The following TMEM63C variants were observed in gnomAD, a reference collection of about 807,000 sequenced individuals.
TMEM63C encodes the protein osmosensitive cation channel TMEM63C.
TMEM63C carries 32 observed loss-of-function variants against 99.2 expected under a neutral mutation model. The observed-to-expected ratio is 0.32, with a 90% CI of 0.24 to 0.43. The LOEUF is 0.43. Among genes scored for constraint, TMEM63C ranks in the 20% least tolerant of loss-of-function variants. The pLI is 1.00. For synonymous variants in TMEM63C, 376 were observed against 397.9 expected, an observed-to-expected ratio of 0.94 and a Z score of 0.66; for missense variants, 826 against 1,053.0, an observed-to-expected ratio of 0.78 and a Z score of 2.98.
chr14:77,199,903 A>C (rs945746868), intron 1 of TMEM63C, among the ~76,000 whole-genome samples: 1 of 152,200 alleles, frequency 6.6e-6, no homozygotes, highest in South Asian at 2.1e-4. Context: ...AGGAGGGGAA[A>C]CTAAAATGTA....
intron 18 of TMEM63C, among the ~76,000 whole-genome samples, chr14:77,247,403 G>T (rs535687664): frequency 1.3e-5 from 2 of 152,222 alleles, no homozygotes; most frequent in South Asian, 4.1e-4. Context: ...GTTTCACCAT[G>T]TTGGCCAGGC....
Position 77,231,805 on chromosome 14 carries a change from G to C in TMEM63C, c.493+75G>C, listed in dbSNP as rs1201578107. 4.7e-6 allele frequency: 7 copies of C among 1,501,114 alleles called. No individual in the cohort carries two copies. In the East Asian group the frequency reaches 1.7e-4, roughly 37 times the overall value. 93.0% of individuals were successfully genotyped at this position (1,501,114 alleles called of 1,614,324 possible). ...GCCAGGCAAGCCAGTCAGGGCTGGG[G>C]TTGAGGGTCTAGACATCTATTTTAA... On this transcript the variant is annotated intron_variant, in intron 7 of 23. Transcript: ENST00000298351.
intron 1 of TMEM63C, among the ~76,000 whole-genome samples, chr14:77,191,140 C>A (rs912904200): frequency 2.0e-5 from 3 of 152,102 alleles, no homozygotes; most frequent in Admixed American, 2.0e-4. Context: ...GCTAAAATAA[C>A]CAGTACTAAG....
chr14:77,244,527 G>T (rs1052573623), intron 16 of TMEM63C, 72 bp downstream of exon 16: 9 of 1,254,986 alleles, frequency 7.2e-6, no homozygotes, highest in Non-Finnish European at 1.0e-5. Flanking sequence ...TTCCCCGCCA[G>T]CCTGGCACTT....
intron 1 of TMEM63C, among the ~76,000 whole-genome samples, chr14:77,189,758 G>A (rs1332382277): frequency 6.6e-6 from 1 of 152,212 alleles, no homozygotes; most frequent in African/African-American, 2.4e-5. Flanking sequence ...ACAGCTGGGT[G>A]TGAAGGACTC....
intron 1 of TMEM63C, chr14:77,196,193 C>G (rs774546645): frequency 6.6e-6 from 1 of 152,544 alleles, no homozygotes; most frequent in Non-Finnish European, 1.5e-5. Flanking sequence ...CCAGAGGCCA[C>G]GTGGGGCCTG....
chr14:77,191,575 G>A (rs1454694956), intron 1 of TMEM63C, among the ~76,000 whole-genome samples: 5 of 74,836 alleles, frequency 6.7e-5, no homozygotes, highest in South Asian at 7.8e-4. Context: ...ACAGAGTTTC[G>A]CTCTTATTGC....
chr14:77,197,584 C>T (rs1482490015), intron 1 of TMEM63C, among the ~76,000 whole-genome samples: 1 of 152,236 alleles, frequency 6.6e-6, no homozygotes, highest in African/African-American at 2.4e-5. Flanking sequence ...GAAACAACAT[C>T]TAGCACCCAG....
intron 23 of TMEM63C, among the ~76,000 whole-genome samples, chr14:77,254,875 A>G (rs558212460): frequency 1.7e-4 from 26 of 152,374 alleles, no homozygotes; most frequent in African/African-American, 6.0e-4. Flanking sequence ...AGAGATGACC[A>G]CTGATAGTGT....
At chr14:77,221,380 C>T (rs1408661754) in intron 5 of TMEM63C, among the ~76,000 whole-genome samples, 23 of 80,552 alleles carry the variant, frequency 2.9e-4, no homozygotes, top group East Asian at 4.8e-4. Context: ...TCATGCCTCA[C>T]CTCCCACTCA....
At position 77,258,883 on chromosome 14, in the gene TMEM63C, C is replaced by G. The variant is rs1889527032; in HGVS notation, c.*2157C>G. 1 of 152,360 alleles carries G rather than the reference C, an allele frequency of 6.6e-6. No individual in the cohort carries two copies. 9.4% of individuals were successfully genotyped at this position (152,360 alleles called of 1,614,324 possible). On this transcript the variant is annotated 3_prime_UTR_variant, in exon 24 of 24. Coordinates refer to ENST00000298351, the MANE Select transcript of TMEM63C (RefSeq NM_020431.4). Reference sequence around the variant, plus strand: ...TGGCGGGATGACTGGGGGCTTCTCCCTCTGAACCTGGGTCCAGTGTAGCCT... The same window carrying G: ...TGGCGGGATGACTGGGGGCTTCTCCGTCTGAACCTGGGTCCAGTGTAGCCT...
At chr14:77,214,620 G>A (rs948588785) in intron 2 of TMEM63C, among the ~76,000 whole-genome samples, 13 of 151,900 alleles carry the variant, frequency 8.6e-5, no homozygotes, top group East Asian at 1.9e-4. Flanking sequence ...GCTGCCCATC[G>A]TTGTTAGTCA....
At chr14:77,189,983 A>G (rs974033151) in intron 1 of TMEM63C, among the ~76,000 whole-genome samples, 2 of 152,104 alleles carry the variant, frequency 1.3e-5, no homozygotes, top group African/African-American at 4.8e-5. Context: ...TCCTGGGGGG[A>G]AAATCATGTG....
At chr14:77,200,954 G>T in intron 1 of TMEM63C, 1 of 147,656 alleles carries the variant, frequency 6.8e-6, no homozygotes, top group South Asian at 2.2e-4. Context: ...TAAGTGCTCA[G>T]TTAAAGTGAT....
chr14:77,252,647 G>T (rs1210148670), intron 22 of TMEM63C, among the ~76,000 whole-genome samples: 1 of 152,230 alleles, frequency 6.6e-6, no homozygotes, highest in Non-Finnish European at 1.5e-5. Flanking sequence ...CTTTTTAAAT[G>T]AATGTATATA....
intron 1 of TMEM63C, among the ~76,000 whole-genome samples, chr14:77,200,157 C>G (rs1249621421): frequency 1.3e-5 from 2 of 152,334 alleles, no homozygotes; most frequent in East Asian, 3.9e-4. Flanking sequence ...TTCAAGTCCT[C>G]ATTCAGCCTG....
At chr14:77,190,145 GTGTT>G (rs1324428511) in intron 1 of TMEM63C, among the ~76,000 whole-genome samples, 2 of 151,850 alleles carry the variant, frequency 1.3e-5, no homozygotes, top group African/African-American at 4.8e-5. Context: ...TATTGGTACT[GTGTT>G]TGGCCATATG....
chr14:77,235,505 G>GT (rs770877492), intron 8 of TMEM63C, among the ~76,000 whole-genome samples: 2,186 of 2,314 alleles, frequency 0.94, 1,069 homozygotes, highest in Admixed American at 0.97. Flanking sequence ...ACTGTGATGG[G>GT]TGGCGGTTAT....
intron 8 of TMEM63C, among the ~76,000 whole-genome samples, chr14:77,234,789 C>T (rs1173195512): frequency 6.6e-6 from 1 of 152,190 alleles, no homozygotes; most frequent in African/African-American, 2.4e-5. Context: ...CCAAGTGCCA[C>T]GACTCTCCTA....
Sources: allele counts gnomAD v4.1 joint callset (sites outside exome capture counted in the v4.1 genomes callset), GRCh38; gene constraint gnomAD v4.1.1; transcripts MANE v1.5; gene names NCBI Gene and HGNC (gene_info 2026-07-23, HGNC 2026-07-21).